TMEM117: variants seen among roughly 807,000 people sequenced by gnomAD.
TMEM117 encodes transmembrane protein 117.
TMEM117 carries 27 observed loss-of-function variants against 52.4 expected under a neutral mutation model. The ratio of observed to expected loss-of-function variants is 0.51; its 90% CI spans 0.38 to 0.71. TMEM117 has a LOEUF of 0.71. TMEM117 is among the 30% of genes least tolerant of loss of function. TMEM117 has a pLI of 0.00. For missense variants in TMEM117, 556 were observed against 630.5 expected (o/e 0.88, Z 1.26); for synonymous variants, 215 against 206.3 (o/e 1.04, Z -0.36).
chr12:44,024,446 T>A (rs909327570), intron 3 of TMEM117, among the ~76,000 whole-genome samples: 3 of 152,146 alleles, frequency 2.0e-5, no homozygotes, highest in African/African-American at 7.2e-5. Context: ...TGAGTGCATG[T>A]ACTGATGAGA....
chr12:44,329,782 C>A (rs143212028), intron 6 of TMEM117, among the ~76,000 whole-genome samples: 173 of 152,200 alleles, frequency 1.1e-3, no homozygotes, highest in African/African-American at 3.9e-3. Context: ...TTGTGTCTGG[C>A]TTACTTCACT....
chr12:43,802,852 T>C, the TMEM117 span, among the ~76,000 whole-genome samples: 3 of 152,194 alleles, frequency 2.0e-5, no homozygotes, highest in Non-Finnish European at 2.9e-5. Context: ...ATTTCTGACA[T>C]TAACAATGAA....
intron 2 of TMEM117, among the ~76,000 whole-genome samples, chr12:43,885,644 A>G (rs2137462726): frequency 6.6e-6 from 1 of 152,054 alleles, no homozygotes; most frequent in Non-Finnish European, 1.5e-5. Context: ...AAGAAGATTT[A>G]TTACTTTTTG....
At position 43,931,585 on chromosome 12, in the gene TMEM117, A is replaced by G. The variant is rs185059780; in HGVS notation, c.278-12625A>G. Among the ~76,000 whole-genome samples the G allele has an allele frequency of 4.6e-3, 701 of 152,320 alleles. 5 individuals carry two copies. The highest frequency in any genetic ancestry group is 0.016 in the African/African-American group (675 of 41,580). On this transcript the variant is annotated intron_variant, in intron 2 of 7. Coordinates refer to ENST00000266534, the MANE Select transcript of TMEM117 (RefSeq NM_032256.3). ...GCCCGTGTGTAAATTGAGACACAAC[A>G]GATTTCAAATATTTTACATTTGGTA...
At chr12:44,301,210 C>A (rs1644014) in intron 6 of TMEM117, among the ~76,000 whole-genome samples, 32,690 of 151,918 alleles carry the variant, frequency 0.22, 6,277 homozygotes, top group African/African-American at 0.52. Context: ...TGTAAGTTTT[C>A]AGTATTCTTC....
intron 3 of TMEM117, among the ~76,000 whole-genome samples, chr12:44,064,707 C>T (rs1265066348): frequency 1.3e-5 from 2 of 152,050 alleles, no homozygotes; most frequent in African/African-American, 4.8e-5. Context: ...TGGTTTTGAA[C>T]ACTAGGAATT....
intron 3 of TMEM117, among the ~76,000 whole-genome samples, chr12:44,081,903 A>G (rs1476771911): frequency 6.6e-6 from 1 of 152,098 alleles, no homozygotes; most frequent in Non-Finnish European, 1.5e-5. Flanking sequence ...CACAATTACT[A>G]TGAGAGAGAG....
chr12:44,115,165 C>A (rs779547929), intron 3 of TMEM117, among the ~76,000 whole-genome samples: 1 of 152,194 alleles, frequency 6.6e-6, no homozygotes, highest in African/African-American at 2.4e-5. Flanking sequence ...AAAGACAGAG[C>A]TGCAGAATTC....
At chr12:43,943,805 G>C (rs1007889425) in intron 2 of TMEM117, among the ~76,000 whole-genome samples, 1 of 152,148 alleles carries the variant, frequency 6.6e-6, no homozygotes, top group Admixed American at 6.5e-5. Context: ...ATTGGGAATG[G>C]ATCTATAGAA....
At position 43,988,962 on chromosome 12, in the gene TMEM117, C is replaced by T. The variant is rs114131082; in HGVS notation, c.410+44620C>T. ...TAGCTGTCACCTCAGAACACAACTA[C>T]AGTTGATAGGTAGTGACTAAGTGGG... On this transcript the variant is annotated intron_variant, in intron 3 of 7. Coordinates refer to ENST00000266534, the MANE Select transcript of TMEM117 (RefSeq NM_032256.3). Among the ~76,000 whole-genome samples the T allele has an allele frequency of 1.2e-3, 178 of 152,132 alleles. 1 individual carries two copies. The highest frequency in any genetic ancestry group is 3.8e-3 in the African/African-American group (157 of 41,548).
At chr12:44,249,258 C>T (rs1950169009) in intron 5 of TMEM117, among the ~76,000 whole-genome samples, 2 of 151,868 alleles carry the variant, frequency 1.3e-5, no homozygotes, top group South Asian at 2.1e-4. Context: ...AATATCTTGT[C>T]GAAGTTACAT....
chr12:44,238,708 A>G (rs1014138197), intron 5 of TMEM117, among the ~76,000 whole-genome samples: 1 of 152,298 alleles, frequency 6.6e-6, no homozygotes, highest in East Asian at 1.9e-4. Context: ...CTTAACGGGA[A>G]TTCTTATAGC....
chr12:44,138,576 A>G (rs895262723), intron 3 of TMEM117, among the ~76,000 whole-genome samples: 1 of 152,156 alleles, frequency 6.6e-6, no homozygotes, highest in African/African-American at 2.4e-5. Flanking sequence ...TAGAACTTAG[A>G]GGGAATTAAT....
chr12:43,970,327 T>C (rs373522038), intron 3 of TMEM117, among the ~76,000 whole-genome samples: 200 of 152,136 alleles, frequency 1.3e-3, no homozygotes, highest in African/African-American at 1.8e-3. Flanking sequence ...CTTGCTCTGT[T>C]GCCCAGGCTG....
chr12:44,131,160 T>A (rs2138167717), intron 3 of TMEM117, among the ~76,000 whole-genome samples: 1 of 152,266 alleles, frequency 6.6e-6, no homozygotes, highest in East Asian at 1.9e-4. Context: ...AATTAAAAGT[T>A]TAAGCATGGT....
At chr12:43,857,061 A>G (rs1354002094) in intron 2 of TMEM117, among the ~76,000 whole-genome samples, 1 of 152,154 alleles carries the variant, frequency 6.6e-6, no homozygotes, top group African/African-American at 2.4e-5. Context: ...TCCCAAGGAC[A>G]TGGCCATTTC....
chr12:44,068,773 C>T (rs1592489498), intron 3 of TMEM117, among the ~76,000 whole-genome samples: 1 of 152,022 alleles, frequency 6.6e-6, no homozygotes, highest in East Asian at 1.9e-4. Context: ...CAAAGTGAGC[C>T]CATGCTGTTG....
At chr12:44,000,797 C>T (rs927508278) in intron 3 of TMEM117, among the ~76,000 whole-genome samples, 1 of 152,162 alleles carries the variant, frequency 6.6e-6, no homozygotes, top group Non-Finnish European at 1.5e-5. Flanking sequence ...TCAGTGGGGA[C>T]AGCGTGCAAG....
chr12:44,290,585 C>A (rs768126616), intron 5 of TMEM117, among the ~76,000 whole-genome samples: 17 of 152,148 alleles, frequency 1.1e-4, no homozygotes, highest in Non-Finnish European at 2.1e-4. Flanking sequence ...GTTTTGATTA[C>A]TGTAGCTTTG....
Sources: allele counts gnomAD v4.1 joint callset (sites outside exome capture counted in the v4.1 genomes callset), GRCh38; gene constraint gnomAD v4.1.1; transcripts MANE v1.5; gene names NCBI Gene and HGNC (gene_info 2026-07-23, HGNC 2026-07-21).